The following FARP2 variants were observed in gnomAD, a reference collection of about 807,000 sequenced individuals.
FARP2 encodes FERM, ARHGEF and pleckstrin domain-containing protein 2.
Under a neutral mutation model 130.5 loss-of-function variants are expected in FARP2, and 111 were observed. The observed-to-expected ratio is 0.85, with a 90% CI of 0.73 to 1.00. The LOEUF (loss-of-function observed/expected upper bound fraction) is 1.00. FARP2 is among the 50% of genes least tolerant of loss of function. The probability of loss-of-function intolerance (pLI) is 0.00; values close to 1 mark genes in which losing one functional copy is unlikely to be tolerated. For missense variants in FARP2, 1,385 were observed against 1,346.3 expected, an observed-to-expected ratio of 1.03 and a Z score of -0.45; for synonymous variants, 504 against 516.9, an observed-to-expected ratio of 0.98 and a Z score of 0.34.
intron 2 of FARP2, among the ~76,000 whole-genome samples, chr2:241,386,124 G>C (rs2150320082): frequency 6.6e-6 from 1 of 152,272 alleles, no homozygotes; most frequent in South Asian, 2.1e-4. Flanking sequence ...ATGGGGTCTT[G>C]CTCTGTAACC....
chr2:241,373,769 G>A (rs911712177), intron 2 of FARP2, among the ~76,000 whole-genome samples: 1 of 152,202 alleles, frequency 6.6e-6, no homozygotes, highest in Non-Finnish European at 1.5e-5. Context: ...CATGCAGGAG[G>A]TGTTGTATGG....
chr2:241,417,815 T>G (rs2062713742), intron 7 of FARP2, 147 bp from the exon 8 acceptor site: 1 of 809,496 alleles, frequency 1.2e-6, no homozygotes, highest in African/African-American at 1.7e-5. Flanking sequence ...GCTGTTTTTG[T>G]AGTGGGTAAA....
chr2:241,459,952 C>T lies in FARP2; in HGVS notation c.1588-2571C>T, dbSNP rs962754913. On this transcript the variant is annotated intron_variant, in intron 14 of 26. Transcript: ENST00000264042. The surrounding 1 kb of genome is among the most constrained non-coding windows in gnomAD (Gnocchi z 5.3). ...AGCGACTGCTGTGGCTCTCTGATGG[C>T]GTATGTGTCTCTATGTGCCTCGCCC... is the stretch of plus-strand genomic sequence containing the variant. Among the ~76,000 whole-genome samples the T allele has an allele frequency of 2.6e-5, 4 of 152,150 alleles. No individual in the cohort carries two copies. The highest frequency in any genetic ancestry group is 2.1e-4 in the South Asian group (1 of 4,828).
chr2:241,400,064 T>C (rs2062128261), intron 2 of FARP2, among the ~76,000 whole-genome samples: 1 of 152,226 alleles, frequency 6.6e-6, no homozygotes, highest in African/African-American at 2.4e-5. Context: ...GCCTTGTGAA[T>C]GTGCTTGCAC....
At chr2:241,360,610 G>A (rs1363072360) in intron 1 of FARP2, among the ~76,000 whole-genome samples, 4 of 150,304 alleles carry the variant, frequency 2.7e-5, no homozygotes, top group Non-Finnish European at 2.9e-5. Context: ...AGAGGTGGAG[G>A]TTGCAGTGAG....
chr2:241,368,821 C>G (rs1390996669), intron 1 of FARP2, among the ~76,000 whole-genome samples: 3 of 152,050 alleles, frequency 2.0e-5, no homozygotes, highest in Non-Finnish European at 4.4e-5. Flanking sequence ...AACTTAAAGT[C>G]TTAAACTTAA....
At chr2:241,382,764 C>T (rs1192252879) in intron 2 of FARP2, among the ~76,000 whole-genome samples, 1 of 152,194 alleles carries the variant, frequency 6.6e-6, no homozygotes, top group Admixed American at 6.5e-5. Context: ...GTTCATTTCT[C>T]TCACCTTTAT....
chr2:241,409,953 G>A (rs969246594), intron 5 of FARP2, among the ~76,000 whole-genome samples: 3 of 152,146 alleles, frequency 2.0e-5, no homozygotes, highest in African/African-American at 4.8e-5. Context: ...TGGAATTGCT[G>A]TGTTAAAGGG....
Position 241,462,569 on chromosome 2 carries a change from C to G in FARP2, c.1634C>G (p.Ala545Gly). ...EAYFIVKEIL[A>G]TERTYLKDLE... ...TACTTCATAGTCAAAGAGATTCTCG[C>G]TACAGAACGAACATACCTCAAGGAT... Residue 545 changes from alanine to glycine, a missense_variant, in exon 15 of 27, where the codon GCT becomes GGT. Transcript: ENST00000264042. 6.2e-7 allele frequency: 1 copy of G among 1,613,962 alleles called. No individual in the cohort carries two copies. The highest frequency in any genetic ancestry group is 8.5e-7 in the Non-Finnish European group (1 of 1,179,802).
intron 8 of FARP2, among the ~76,000 whole-genome samples, chr2:241,430,742 T>G (rs1175913354): frequency 6.6e-6 from 1 of 152,142 alleles, no homozygotes. Flanking sequence ...CAGTGGGTCA[T>G]GCCTGTAATC....
rs372661009 is a variant in FARP2 at position 241,462,490 on chromosome 2, G to A, written c.1588-33G>A. On this transcript the variant is annotated intron_variant, in intron 14 of 26. Coordinates refer to ENST00000264042, the MANE Select transcript of FARP2 (RefSeq NM_014808.4). Reference sequence around the variant, plus strand: ...AGCGTGGGAGGGTCCCATGTCCCAGGGACGCACACTTACAGCTCTCTGCTT... The same window carrying A: ...AGCGTGGGAGGGTCCCATGTCCCAGAGACGCACACTTACAGCTCTCTGCTT... 30 of 1,529,212 alleles carry A rather than the reference G, an allele frequency of 2.0e-5. No homozygotes were observed. The South Asian group carries it at 3.3e-4, about 17-fold the overall frequency. 94.7% of individuals were successfully genotyped at this position (1,529,212 alleles called of 1,614,324 possible).
chr2:241,373,255 C>T lies in FARP2; in HGVS notation c.148C>T (p.Leu50=). 2 of 1,526,214 alleles carry T rather than the reference C, an allele frequency of 1.3e-6. No individual in the cohort carries two copies. Among genetic ancestry groups the T allele is most frequent in the Non-Finnish European group, 1.8e-6 (2 of 1,129,478 alleles). The allele number at this position is 1,526,214 out of a possible 1,614,324, so 94.5% of individuals were successfully genotyped here. Residue 50 remains leucine, a synonymous_variant, in exon 2 of 27, where the codon CTG becomes TTG. Transcript: ENST00000264042. ...GAAGCACCTGCACCTCAGAGTAAAG[C>T]TGCTGGACAACACCATGGAAATATT... is the stretch of plus-strand genomic sequence containing the variant. The part of the protein sequence containing the change: ...QEKHLHLRVK[L]LDNTMEIFDI...
At position 241,370,431 on chromosome 2, in the gene FARP2, T is replaced by A. The variant is rs1018061581; in HGVS notation, c.-24-2653T>A. Among the ~76,000 whole-genome samples, 42 of 152,198 alleles carry A rather than the reference T, an allele frequency of 2.8e-4. 1 individual carries two copies. On this transcript the variant is annotated intron_variant, in intron 1 of 26. Transcript: ENST00000264042. ...TTTTAAGTGTTCTCACCACAAAAAA[T>A]TTGAAGTTTGTGAGGTCTTGCATAT...
intron 18 of FARP2, among the ~76,000 whole-genome samples, chr2:241,471,826 T>TG (rs1359755970): frequency 2.0e-5 from 3 of 150,226 alleles, no homozygotes; most frequent in Non-Finnish European, 3.0e-5. Flanking sequence ...CCCTATTTTG[T>TG]GGGGCATCTT....
chr2:241,421,183 TCTC>T (rs1011494046), intron 8 of FARP2, among the ~76,000 whole-genome samples: 56 of 152,118 alleles, frequency 3.7e-4, no homozygotes, highest in African/African-American at 1.3e-3. Context: ...GATCAGGAGA[TCTC>T]CTCATGAGCC....
intron 21 of FARP2, among the ~76,000 whole-genome samples, chr2:241,486,214 G>C (rs1237459362): frequency 6.6e-6 from 1 of 151,736 alleles, no homozygotes; most frequent in Non-Finnish European, 1.5e-5. Flanking sequence ...AGGAGGTCAA[G>C]ATGGTAGGAT....
chr2:241,411,188 A>G (rs540757155), intron 6 of FARP2, 58 bp downstream of exon 6: 3 of 1,146,786 alleles, frequency 2.6e-6, no homozygotes, highest in East Asian at 2.5e-5. Flanking sequence ...ATATACCCGC[A>G]CTCAGAACTA....
chr2:241,449,521 C>T (rs2063596474), intron 13 of FARP2, among the ~76,000 whole-genome samples: 1 of 151,422 alleles, frequency 6.6e-6, no homozygotes. Context: ...ATAACTTTAC[C>T]TTTTTCTCTA....
rs1290240372 is a variant in FARP2, at chr2:241,491,614, A to G, written c.2722A>G (p.Thr908Ala). ...EGHGQHRANTTMHVCWYRNTS... is the reference protein window; with the variant it reads ...EGHGQHRANTAMHVCWYRNTS... Reference sequence around the variant, plus strand: ...GCATGGCCAGCACCGGGCCAACACCACAATGCACGTGTGCTGGTACCGGAA... The same window carrying G: ...GCATGGCCAGCACCGGGCCAACACCGCAATGCACGTGTGCTGGTACCGGAA... Residue 908 changes from threonine to alanine, a missense_variant, in exon 24 of 27, where the codon ACA becomes GCA. Physicochemically the swap from Thr to Ala is moderately conservative, Grantham distance 58. Transcript: ENST00000264042. The G allele has an allele frequency of 2.5e-6, 4 of 1,613,752 alleles. No individual in the cohort carries two copies. The highest frequency in any genetic ancestry group is 2.2e-5 in the East Asian group (1 of 44,886).
Sources: allele counts gnomAD v4.1 joint callset (sites outside exome capture counted in the v4.1 genomes callset), GRCh38; gene constraint gnomAD v4.1.1; non-coding constraint Gnocchi (gnomAD v3.1); transcripts MANE v1.5; gene names NCBI Gene and HGNC (gene_info 2026-07-23, HGNC 2026-07-21).